CSMD1: variants seen among roughly 807,000 people sequenced by gnomAD.
CSMD1 encodes CUB and sushi domain-containing protein 1.
A neutral mutation model predicts 417.5 loss-of-function variants in CSMD1; 213 were observed. The observed-to-expected ratio is 0.51, with a 90% CI of 0.46 to 0.57. The LOEUF is 0.57. CSMD1 is among the 20% of genes least tolerant of loss of function. The pLI is 0.00. For synonymous variants in CSMD1, 2,862 were observed against 1,736.8 expected (o/e 1.65, Z -16.11); for missense variants, 6,923 against 4,529.7 (o/e 1.53, Z -15.17).
intron 5 of CSMD1, among the ~76,000 whole-genome samples, chr8:3,835,089 G>C (rs572490975): frequency 6.7e-6 from 1 of 149,220 alleles, no homozygotes; most frequent in Non-Finnish European, 1.5e-5. Context: ...AGAGGATGTA[G>C]AGAAATAGGA....
At chr8:3,652,435 T>C (rs1042660197) in intron 7 of CSMD1, among the ~76,000 whole-genome samples, 3 of 152,198 alleles carry the variant, frequency 2.0e-5, no homozygotes, top group East Asian at 1.9e-4. Context: ...CCAAACACAA[T>C]GGATGCATTA....
intron 1 of CSMD1, among the ~76,000 whole-genome samples, chr8:4,771,942 T>C (rs2117149342): frequency 1.3e-5 from 2 of 152,314 alleles, no homozygotes. Flanking sequence ...CCCGGGGATC[T>C]CGTGATAATT....
chr8:2,954,203 G>T, intron 65 of CSMD1, 21 bp downstream of exon 65: 1 of 1,405,522 alleles, frequency 7.1e-7, no homozygotes, highest in South Asian at 1.3e-5. Flanking sequence ...TTGAAATCTA[G>T]AACTGTTCTG....
intron 5 of CSMD1, among the ~76,000 whole-genome samples, chr8:3,989,069 A>G (rs1307065994): frequency 6.6e-6 from 1 of 152,126 alleles, no homozygotes; most frequent in Non-Finnish European, 1.5e-5. Context: ...AGAAATCTGA[A>G]CTCTCTATGG....
chr8:3,447,219 C>T (rs1051308897), intron 12 of CSMD1, among the ~76,000 whole-genome samples: 1 of 152,150 alleles, frequency 6.6e-6, no homozygotes, highest in Admixed American at 6.5e-5. Flanking sequence ...CATGCGTCTG[C>T]ATCTATCAAA....
chr8:4,237,947 T>C (rs1802165691), intron 3 of CSMD1, among the ~76,000 whole-genome samples: 1 of 152,214 alleles, frequency 6.6e-6, no homozygotes, highest in Admixed American at 6.5e-5. Flanking sequence ...AAGCAGAGTC[T>C]CCAGGAGTTG....
intron 3 of CSMD1, among the ~76,000 whole-genome samples, chr8:4,213,278 G>C (rs1800435208): frequency 6.6e-6 from 1 of 152,136 alleles, no homozygotes; most frequent in African/African-American, 2.4e-5. Flanking sequence ...GGTCCTGTCA[G>C]GTCTAATGAG....
At chr8:4,391,587 T>A (rs887360422) in intron 3 of CSMD1, among the ~76,000 whole-genome samples, 2 of 151,902 alleles carry the variant, frequency 1.3e-5, no homozygotes, top group African/African-American at 4.8e-5. Context: ...GCTACCCTAT[T>A]TTTGCCCCCG....
At chr8:4,185,287 GT>G (rs1563239837) in intron 3 of CSMD1, among the ~76,000 whole-genome samples, 2 of 151,930 alleles carry the variant, frequency 1.3e-5, no homozygotes, top group Non-Finnish European at 2.9e-5. Flanking sequence ...TGGGCAAATT[GT>G]TTAATCTTTT....
At chr8:3,746,077 T>C (rs1322651894) in intron 6 of CSMD1, among the ~76,000 whole-genome samples, 1 of 149,932 alleles carries the variant, frequency 6.7e-6, no homozygotes, top group Non-Finnish European at 1.5e-5. Flanking sequence ...CACGGACATT[T>C]AGCAAATAAA....
At chr8:4,009,719 G>A (rs544597355) in intron 4 of CSMD1, among the ~76,000 whole-genome samples, 5 of 152,108 alleles carry the variant, frequency 3.3e-5, no homozygotes, top group Admixed American at 1.3e-4. Context: ...TTGGTGGTCA[G>A]GATGTACCTA....
At chr8:3,217,928 T>C (rs192206172) in intron 29 of CSMD1, among the ~76,000 whole-genome samples, 1 of 152,268 alleles carries the variant, frequency 6.6e-6, no homozygotes, top group African/African-American at 2.4e-5. Context: ...AAGAAAACCC[T>C]CCTAACTGTG....
chr8:4,717,188 T>G (rs557273206), intron 1 of CSMD1, among the ~76,000 whole-genome samples: 1 of 151,422 alleles, frequency 6.6e-6, no homozygotes, highest in African/African-American at 2.4e-5. Flanking sequence ...GGAGAAAAAT[T>G]TGATGAGGAG....
chr8:4,662,867 G>A (rs564813856), intron 1 of CSMD1, among the ~76,000 whole-genome samples: 1 of 152,084 alleles, frequency 6.6e-6, no homozygotes, highest in Non-Finnish European at 1.5e-5. Context: ...TGGAAACGCG[G>A]GTGACAGTGT....
intron 8 of CSMD1, among the ~76,000 whole-genome samples, chr8:3,593,137 G>A (rs1245287767): frequency 1.3e-5 from 2 of 152,218 alleles, no homozygotes; most frequent in East Asian, 3.9e-4. Context: ...CTGGAGCTGT[G>A]GTGATAAGTG....
In CSMD1 at chr8:3,895,363, G is replaced by A. The variant is rs547756895; in HGVS notation, c.818+102540C>T. Among the ~76,000 whole-genome samples the A allele has an allele frequency of 2.0e-5, 3 of 152,174 alleles. No homozygotes were observed. In the East Asian group the frequency reaches 5.8e-4, roughly 29 times the overall value. On this transcript the variant is annotated intron_variant, in intron 5 of 69. Coordinates refer to ENST00000635120, the MANE Select transcript of CSMD1 (RefSeq NM_033225.6). ...ACAACTGAGACAATTTATAACACAA[G>A]GGAAATATTTTATATATTAAATGAA...
intron 1 of CSMD1, among the ~76,000 whole-genome samples, chr8:4,815,371 C>T (rs1012765754): frequency 2.6e-5 from 4 of 152,050 alleles, no homozygotes; most frequent in South Asian, 2.1e-4. Flanking sequence ...CTTGTGGACA[C>T]GTAGCCATGT....
chr8:3,902,306 T>C (rs1807807541), intron 5 of CSMD1, among the ~76,000 whole-genome samples: 2 of 152,162 alleles, frequency 1.3e-5, no homozygotes, highest in South Asian at 4.1e-4. Context: ...ATCCTGTTAC[T>C]CCAACTATTA....
chr8:2,963,097 G>T, intron 60 of CSMD1, 125 bp downstream of exon 60: 2 of 1,028,502 alleles, frequency 1.9e-6, no homozygotes, highest in Non-Finnish European at 2.9e-6. Flanking sequence ...TTGAGTTTTT[G>T]TGTATTTTAG....
Sources: gnomAD v4.1 joint callset for allele counts (sites outside exome capture counted in the v4.1 genomes callset) on GRCh38, gnomAD v4.1.1 for gene constraint, MANE v1.5 for transcripts, NCBI Gene and HGNC (gene_info 2026-07-23, HGNC 2026-07-21) for gene names.